FSTL5: variants seen among roughly 807,000 people sequenced by gnomAD.
FSTL5 encodes the protein follistatin like 5, also known as follistatin-related protein 5.
A neutral mutation model predicts 89.1 loss-of-function variants in FSTL5; 62 were observed. That is an observed-to-expected ratio of 0.70 (90% CI 0.57 to 0.86). The LOEUF (loss-of-function observed/expected upper bound fraction) is 0.86. Ranked by LOEUF, FSTL5 falls within the 40% of genes least tolerant of loss-of-function variation. The pLI is 0.00. For missense variants in FSTL5, 1,057 were observed against 1,001.6 expected (o/e 1.06, Z -0.75); for synonymous variants, 383 against 346.2 (o/e 1.11, Z -1.18).
intron 4 of FSTL5, among the ~76,000 whole-genome samples, chr4:161,870,802 G>A (rs1241612885): frequency 6.6e-6 from 1 of 151,932 alleles, no homozygotes; most frequent in Non-Finnish European, 1.5e-5. Flanking sequence ...ATAATTTTCT[G>A]CTAGGAAACA....
At chr4:161,475,453 T>C (rs546539127) in intron 13 of FSTL5, among the ~76,000 whole-genome samples, 1 of 152,286 alleles carries the variant, frequency 6.6e-6, no homozygotes, top group East Asian at 1.9e-4. Flanking sequence ...GTTGTTTTTC[T>C]TTCCAGTCCT....
intron 6 of FSTL5, among the ~76,000 whole-genome samples, chr4:161,667,537 T>C (rs748035876): frequency 6.6e-5 from 10 of 152,090 alleles, no homozygotes; most frequent in Non-Finnish European, 1.5e-4. Flanking sequence ...GCAAGACTTG[T>C]TATATTAAGT....
At chr4:161,485,111 A>C (rs1029559943) in intron 12 of FSTL5, among the ~76,000 whole-genome samples, 7 of 152,228 alleles carry the variant, frequency 4.6e-5, no homozygotes, top group African/African-American at 1.7e-4. Context: ...GGCATCTTTC[A>C]TGTTATAATG....
In FSTL5 at chr4:161,825,758, C is replaced by A. The variant is rs1730647875; in HGVS notation, c.410-49684G>T. ...ATCACTTGTTTCATTTTTATTTGAG[C>A]TTATTTGGATCTTCTCTCTTCCTTA... On this transcript the variant is annotated intron_variant, in intron 4 of 15. Transcript: ENST00000306100. 4.6e-5 allele frequency among the ~76,000 whole-genome samples: 7 copies of A among 152,134 alleles called. 1 individual carries two copies. In the South Asian group the frequency reaches 1.5e-3, roughly 32 times the overall value.
intron 7 of FSTL5, among the ~76,000 whole-genome samples, chr4:161,598,368 C>T (rs570998025): frequency 2.3e-4 from 30 of 132,278 alleles, no homozygotes; most frequent in Non-Finnish European, 4.1e-4. Flanking sequence ...GAGTGAGACC[C>T]TGTCTCAAAA....
At chr4:161,567,916 A>C (rs1732873312) in intron 8 of FSTL5, among the ~76,000 whole-genome samples, 1 of 152,148 alleles carries the variant, frequency 6.6e-6, no homozygotes, top group East Asian at 1.9e-4. Flanking sequence ...TCAAAGTAGG[A>C]AGAGGAAAGA....
chr4:161,987,757 A>C (rs78269981), intron 3 of FSTL5, among the ~76,000 whole-genome samples: 2,620 of 151,666 alleles, frequency 0.017, 82 homozygotes, highest in African/African-American at 0.06. Flanking sequence ...GCTAACTTGC[A>C]GGCTGAAGTT....
intron 3 of FSTL5, among the ~76,000 whole-genome samples, chr4:161,933,693 C>T (rs1734354905): frequency 1.3e-5 from 2 of 151,364 alleles, no homozygotes; most frequent in South Asian, 4.2e-4. Context: ...TAATCTTTGT[C>T]CCCTAAACCT....
At chr4:162,064,449 T>G (rs1358230540) in intron 2 of FSTL5, among the ~76,000 whole-genome samples, 1 of 151,998 alleles carries the variant, frequency 6.6e-6, no homozygotes, top group Admixed American at 6.6e-5. Flanking sequence ...CTCTCTAACA[T>G]AGACGGACCT....
At chr4:161,661,880 C>T (rs1184190808) in intron 6 of FSTL5, among the ~76,000 whole-genome samples, 1 of 152,096 alleles carries the variant, frequency 6.6e-6, no homozygotes. Context: ...ACAGCATGAA[C>T]TAAATACAAA....
intron 5 of FSTL5, among the ~76,000 whole-genome samples, chr4:161,761,800 T>G (rs919136115): frequency 6.6e-6 from 1 of 152,226 alleles, no homozygotes; most frequent in African/African-American, 2.4e-5. Context: ...TCATCTATAC[T>G]GAAGCATATC....
intron 10 of FSTL5, among the ~76,000 whole-genome samples, chr4:161,537,713 A>T (rs939327930): frequency 2.0e-5 from 3 of 152,186 alleles, no homozygotes; most frequent in Admixed American, 6.6e-5. Context: ...GGCAGTTACC[A>T]CTGAACCTTC....
chr4:161,719,342 T>C (rs989561136), intron 6 of FSTL5, among the ~76,000 whole-genome samples: 1 of 152,196 alleles, frequency 6.6e-6, no homozygotes, highest in African/African-American at 2.4e-5. Context: ...TTGATTACTG[T>C]AGCTTTGAAA....
chr4:161,624,023 T>C (rs1400104238), intron 7 of FSTL5, among the ~76,000 whole-genome samples: 3 of 152,020 alleles, frequency 2.0e-5, no homozygotes, highest in Admixed American at 6.6e-5. Flanking sequence ...AAATTTCCAA[T>C]ACTATTTATA....
intron 6 of FSTL5, among the ~76,000 whole-genome samples, chr4:161,704,104 C>G (rs1738492094): frequency 6.6e-6 from 1 of 152,130 alleles, no homozygotes; most frequent in Admixed American, 6.6e-5. Flanking sequence ...CCATTCTATT[C>G]AAAGTCACCC....
intron 6 of FSTL5, among the ~76,000 whole-genome samples, chr4:161,689,917 C>T (rs1180034432): frequency 1.3e-5 from 2 of 152,102 alleles, no homozygotes; most frequent in Non-Finnish European, 2.9e-5. Flanking sequence ...ACCTTTTCGT[C>T]TTTGTTGTTT....
At chr4:162,069,583 GCTCT>G (rs989094353) in intron 2 of FSTL5, among the ~76,000 whole-genome samples, 25 of 151,804 alleles carry the variant, frequency 1.6e-4, no homozygotes, top group African/African-American at 5.8e-4. Context: ...CCACAATTCT[GCTCT>G]CTATTTCCAT....
At chr4:161,476,320 C>T (rs568973918) in intron 13 of FSTL5, among the ~76,000 whole-genome samples, 20 of 150,932 alleles carry the variant, frequency 1.3e-4, no homozygotes, top group South Asian at 8.4e-4. Context: ...CCCAAGTAGC[C>T]GGGATTACAG....
At chr4:162,051,896 C>T (rs1314419649) in intron 2 of FSTL5, among the ~76,000 whole-genome samples, 4 of 151,204 alleles carry the variant, frequency 2.6e-5, no homozygotes, top group Middle Eastern at 3.4e-3. Flanking sequence ...AACTATTCAT[C>T]TGGTGTAAGA....
Sources: allele counts gnomAD v4.1 joint callset (sites outside exome capture counted in the v4.1 genomes callset), GRCh38; gene constraint gnomAD v4.1.1; transcripts MANE v1.5; gene names NCBI Gene and HGNC (gene_info 2026-07-23, HGNC 2026-07-21).